FNDC1: variants seen among roughly 807,000 people sequenced by gnomAD.
FNDC1 encodes the protein fibronectin type III domain-containing protein 1.
A neutral mutation model predicts 168.0 loss-of-function variants in FNDC1; 96 were observed. The observed-to-expected ratio is 0.57, with a 90% confidence interval of 0.48 to 0.68. The LOEUF (loss-of-function observed/expected upper bound fraction) is 0.68, where lower values mean the gene tolerates loss of function less well. FNDC1 is among the 30% of genes least tolerant of loss of function. The pLI is 0.00. For missense variants in FNDC1, 2,587 were observed against 2,482.1 expected (o/e 1.04, Z -0.90); for synonymous variants, 1,099 against 1,025.9 (o/e 1.07, Z -1.36).
rs559145149 is a variant in FNDC1 at position 159,206,654 on chromosome 6, G to A, written c.460+6073G>A. 7.2e-3 allele frequency among the ~76,000 whole-genome samples: 1,101 copies of A among 152,308 alleles called. 4 individuals carry two copies. The highest frequency in any genetic ancestry group is 0.011 in the Non-Finnish European group (733 of 68,028). On this transcript the variant is annotated intron_variant, in intron 4 of 22. Transcript: ENST00000297267. ...GTCTAGTTCAATGTTGATTCGGGGG[G>A]TTCTGGGCAAGCCCGTTTGTTGAAC... is the stretch of plus-strand genomic sequence containing the variant.
chr6:159,251,446 G>T lies in FNDC1; in HGVS notation c.4979G>T (p.Arg1660Leu). ...KSDLPPQHAP[R>L]NITVVAVEGC... ...GACCTGCCTCCCCAGCATGCTCCCC[G>T]CAACATCACCGTGGTGGCCGTGGAA... Residue 1660 changes from arginine (R) to leucine (L), a missense_variant, in exon 17 of 23, where the codon CGC becomes CTC. Transcript: ENST00000297267. The T allele has an allele frequency of 6.2e-7, 1 of 1,613,814 alleles. No individual in the cohort carries two copies. Among genetic ancestry groups the T allele is most frequent in the Non-Finnish European group, 8.5e-7 (1 of 1,179,848 alleles).
intron 1 of FNDC1, among the ~76,000 whole-genome samples, chr6:159,170,639 T>C (rs1172050828): frequency 6.6e-6 from 1 of 152,150 alleles, no homozygotes; most frequent in African/African-American, 2.4e-5. Context: ...AGGGTACCAG[T>C]TTTATGATGC....
chr6:159,216,318 G>T (rs1286574971), intron 5 of FNDC1, among the ~76,000 whole-genome samples: 4 of 152,180 alleles, frequency 2.6e-5, no homozygotes, highest in African/African-American at 9.7e-5. Flanking sequence ...CCATCACACA[G>T]GCCATCCTCC....
chr6:159,270,878 A>C (rs77741279), intron 22 of FNDC1, among the ~76,000 whole-genome samples: 3,145 of 152,342 alleles, frequency 0.021, 110 homozygotes, highest in African/African-American at 0.073. Context: ...CTGACTAGCA[A>C]CTGGCTAAAA....
rs1562299923 is a variant in FNDC1, at chr6:159,232,658, C to A, written c.2146C>A (p.Pro716Thr). Reference protein sequence around the residue: ...AEEDSSASAPPSRLSPPHGGS... With the variant: ...AEEDSSASAPTSRLSPPHGGS... The stretch of plus-strand genomic sequence containing the variant: ...GGAAGATTCCAGTGCCTCAGCCCCA[C>A]CCTCAAGACTTTCTCCACCCCATGG... The change falls in exon 11 of 23, where the codon CCC becomes ACC. Residue 716 changes from proline to threonine, a missense_variant. By Grantham distance (38) the Pro-to-Thr change is conservative. Transcript: ENST00000297267. The surrounding 1 kb of genome is among the most constrained non-coding windows in gnomAD (Gnocchi z 4.9). 6.2e-7 allele frequency: 1 copy of A among 1,613,566 alleles called. No individual in the cohort carries two copies. The highest frequency in any genetic ancestry group is 2.2e-5 in the East Asian group (1 of 44,860).
chr6:159,231,399 C>T (rs1489385581), intron 10 of FNDC1, among the ~76,000 whole-genome samples: 1 of 151,518 alleles, frequency 6.6e-6, no homozygotes, highest in African/African-American at 2.4e-5. Flanking sequence ...AAAAAAATTA[C>T]AAATTGGTTG....
intron 18 of FNDC1, among the ~76,000 whole-genome samples, chr6:159,258,571 C>T (rs961181262): frequency 2.0e-5 from 3 of 152,156 alleles, no homozygotes; most frequent in Non-Finnish European, 2.9e-5. Context: ...AGAGGCGGGA[C>T]AGACAGTGCC....
intron 14 of FNDC1, chr6:159,240,961 T>C (rs1783406407): frequency 6.6e-6 from 1 of 152,264 alleles, no homozygotes; most frequent in African/African-American, 2.4e-5. Context: ...TTATTGACTA[T>C]GATAAGCCCA....
At chr6:159,262,068 C>T (rs767035167) in intron 19 of FNDC1, among the ~76,000 whole-genome samples, 98 of 152,200 alleles carry the variant, frequency 6.4e-4, no homozygotes, top group Non-Finnish European at 4.8e-4. Context: ...GATCATGCCA[C>T]TGCCCTCCAG....
intron 5 of FNDC1, among the ~76,000 whole-genome samples, 170 bp downstream of exon 5, chr6:159,215,321 T>G (rs1312569424): frequency 6.6e-6 from 1 of 152,252 alleles, no homozygotes; most frequent in Non-Finnish European, 1.5e-5. Context: ...CTGGACGCCA[T>G]CATTTTAACC....
intron 4 of FNDC1, among the ~76,000 whole-genome samples, chr6:159,204,889 G>A (rs1268157758): frequency 6.6e-6 from 1 of 152,110 alleles, no homozygotes; most frequent in East Asian, 1.9e-4. Context: ...CCATTTCCTG[G>A]CCTGGGTTCC....
rs1205394263 is a variant in FNDC1, at chr6:159,233,153, G to C, written c.2641G>C (p.Asp881His). The C allele has an allele frequency of 1.2e-6, 2 of 1,606,984 alleles. No homozygotes were observed. Among genetic ancestry groups the C allele is most frequent in the African/African-American group, 2.7e-5 (2 of 74,750 alleles). Reference protein sequence around the residue: ...LSSGIHGDEEDEKPLPATVVN... With the variant: ...LSSGIHGDEEHEKPLPATVVN... Reference sequence around the variant, plus strand: ...CTCAGGTATCCATGGAGACGAGGAGGATGAGAAGCCGCTTCCTGCCACCGT... The same window carrying C: ...CTCAGGTATCCATGGAGACGAGGAGCATGAGAAGCCGCTTCCTGCCACCGT... The change falls in exon 11 of 23, where the codon GAT becomes CAT. Residue 881 changes from aspartate to histidine, a missense_variant. Asp to His is a moderately conservative substitution (Grantham distance 81, BLOSUM62 -1). Coordinates refer to ENST00000297267, the MANE Select transcript of FNDC1 (RefSeq NM_032532.3). This position sits in a 1 kb window ranked among gnomAD's most constrained non-coding sequence, Gnocchi z 4.6.
intron 1 of FNDC1, among the ~76,000 whole-genome samples, chr6:159,187,423 T>G (rs1782026299): frequency 6.6e-6 from 1 of 152,180 alleles, no homozygotes; most frequent in African/African-American, 2.4e-5. Context: ...TATAATAAGT[T>G]CAGACTCCAA....
At chr6:159,225,785 AG>A in intron 8 of FNDC1, 63 bp downstream of exon 8, 1 of 1,413,902 alleles carries the variant, frequency 7.1e-7, no homozygotes, top group Non-Finnish European at 9.7e-7. Flanking sequence ...TAAGATTTAA[AG>A]ACAATGTAAG....
intron 15 of FNDC1, among the ~76,000 whole-genome samples, chr6:159,248,438 TG>T (rs1777183343): frequency 6.6e-6 from 1 of 152,100 alleles, no homozygotes; most frequent in Non-Finnish European, 1.5e-5. Context: ...CCTGAGTAGC[TG>T]GGACTACAGG....
chr6:159,236,244 A>G lies in FNDC1; in HGVS notation c.3997A>G (p.Lys1333Glu). 6.2e-7 allele frequency: 1 copy of G among 1,613,742 alleles called. No individual in the cohort carries two copies. Among genetic ancestry groups the G allele is most frequent in the African/African-American group, 1.3e-5 (1 of 75,064 alleles). ...TAATGGCAGACCAAATGTAGAAGGG[A>G]AAGTCCTTCCTGGTAGTAATGGAAA... ...GYNGRPNVEG[K>E]VLPGSNGKPN... The change falls in exon 12 of 23, where the codon AAA (lysine) becomes GAA (glutamate). Residue 1333 changes from lysine to glutamate, a missense_variant. Transcript: ENST00000297267.
intron 6 of FNDC1, among the ~76,000 whole-genome samples, chr6:159,222,889 T>C (rs1261596340): frequency 6.6e-6 from 1 of 152,176 alleles, no homozygotes; most frequent in East Asian, 1.9e-4. Context: ...GAGAAAGCAC[T>C]GAGTTACTTG....
chr6:159,225,414 C>T lies in FNDC1; in HGVS notation c.885-121C>T, dbSNP rs181977090. 3.6e-5 allele frequency: 27 copies of T among 758,310 alleles called. No homozygotes were observed. In the Admixed American group the frequency reaches 6.2e-4, roughly 18 times the overall value. The allele number at this position is 758,310 out of a possible 1,614,324, so 47.0% of individuals were successfully genotyped here. On this transcript the variant is annotated intron_variant, in intron 7 of 22. Coordinates refer to ENST00000297267, the MANE Select transcript of FNDC1 (RefSeq NM_032532.3). Reference sequence around the variant, plus strand: ...CATAGTCAAAAGTTTAGATTTTTCTCCTCTTTGATTTTCTTACTTACCTCC... The same window carrying T: ...CATAGTCAAAAGTTTAGATTTTTCTTCTCTTTGATTTTCTTACTTACCTCC...
At chr6:159,239,384 T>G in intron 13 of FNDC1, 133 bp from the exon 14 acceptor site, 1 of 721,506 alleles carries the variant, frequency 1.4e-6, no homozygotes, top group East Asian at 2.7e-5. Context: ...GATGCAATAT[T>G]CATTTATCCC....
Sources: allele counts gnomAD v4.1 joint callset (sites outside exome capture counted in the v4.1 genomes callset), GRCh38; gene constraint gnomAD v4.1.1; non-coding constraint Gnocchi (gnomAD v3.1); transcripts MANE v1.5; gene names NCBI Gene and HGNC (gene_info 2026-07-23, HGNC 2026-07-21).